Variants in PCBP3 observed in about 807,000 individuals in gnomAD.
PCBP3 encodes the protein poly(rC)-binding protein 3.
PCBP3 carries 25 observed loss-of-function variants against 52.7 expected under a neutral mutation model. That is an observed-to-expected ratio of 0.47 (90% CI 0.35 to 0.66). The LOEUF (loss-of-function observed/expected upper bound fraction) is 0.66. PCBP3 is among the 30% of genes least tolerant of loss of function. The pLI is 0.01. For missense variants in PCBP3, 391 were observed against 490.3 expected (o/e 0.80, Z 1.91); for synonymous variants, 162 against 183.0 (o/e 0.89, Z 0.93).
At chr21:45,823,447 G>A (rs1330174017) in intron 4 of PCBP3, among the ~76,000 whole-genome samples, 1 of 152,190 alleles carries the variant, frequency 6.6e-6, no homozygotes, top group Non-Finnish European at 1.5e-5. Context: ...TAACCCCCTT[G>A]ACCTCCCACC....
intron 9 of PCBP3, among the ~76,000 whole-genome samples, chr21:45,907,610 T>G (rs2096242460): frequency 6.6e-6 from 1 of 152,240 alleles, no homozygotes; most frequent in Admixed American, 6.5e-5. Context: ...TTCAGGTAAC[T>G]CTGGGTCATG....
chr21:45,780,934 G>A (rs544351057), intron 4 of PCBP3, among the ~76,000 whole-genome samples: 1 of 152,206 alleles, frequency 6.6e-6, no homozygotes, highest in Non-Finnish European at 1.5e-5. Flanking sequence ...CACACTGACT[G>A]AGAAGGTGTC....
chr21:45,664,864 G>A (rs1032336133), intron 1 of PCBP3, among the ~76,000 whole-genome samples: 5 of 149,222 alleles, frequency 3.4e-5, no homozygotes, highest in South Asian at 2.1e-4. Context: ...GAGAATATGC[G>A]GTGTTTGGTT....
chr21:45,756,655 C>T (rs1480601735), intron 4 of PCBP3, among the ~76,000 whole-genome samples: 4 of 152,162 alleles, frequency 2.6e-5, no homozygotes, highest in African/African-American at 4.8e-5. Flanking sequence ...TATCACCACC[C>T]GTAAAACAAC....
intron 5 of PCBP3, among the ~76,000 whole-genome samples, chr21:45,889,273 G>A (rs960391292): frequency 3.9e-5 from 6 of 152,202 alleles, no homozygotes; most frequent in African/African-American, 1.4e-4. Context: ...GCAGCTGCAT[G>A]CGGGCCAGCA....
intron 4 of PCBP3, among the ~76,000 whole-genome samples, chr21:45,833,014 G>A (rs973857016): frequency 2.0e-5 from 3 of 152,132 alleles, no homozygotes; most frequent in South Asian, 2.1e-4. Context: ...CCCTCAACAC[G>A]TGGGGATTGT....
In PCBP3 at chr21:45,821,463, T is replaced by C. The variant is rs1308385529; in HGVS notation, c.-125-28498T>C. On this transcript the variant is annotated intron_variant, in intron 4 of 17. Coordinates refer to ENST00000681687, the MANE Select transcript of PCBP3 (RefSeq NM_001384156.1). This position sits in a 1 kb window ranked among gnomAD's most constrained non-coding sequence, Gnocchi z 4.4. ...GGGCCCCGCACCTTCCCCCAACTCT[T>C]TTCTAGAACACTCTTCCCCCTGCAC... Among the ~76,000 whole-genome samples the C allele has an allele frequency of 7.1e-6, 1 of 141,506 alleles. No homozygotes were observed. The highest frequency in any genetic ancestry group is 1.5e-5 in the Non-Finnish European group (1 of 66,004). 92.8% of individuals were successfully genotyped at this position (141,506 alleles called of 152,430 possible). A position where few individuals can be genotyped will look rare whatever the true frequency, so the allele number is the denominator to read the frequency against.
chr21:45,860,874 C>T (rs999055938), intron 5 of PCBP3, among the ~76,000 whole-genome samples: 2 of 152,190 alleles, frequency 1.3e-5, no homozygotes, highest in African/African-American at 4.8e-5. Flanking sequence ...CAGCGACCCC[C>T]GTGGAGGTGC....
At chr21:45,910,830 CGA>C in intron 10 of PCBP3, 70 bp from the exon 11 acceptor site, 1 of 1,478,066 alleles carries the variant, frequency 6.8e-7, no homozygotes, top group Non-Finnish European at 9.1e-7. Context: ...CCTTGGGTGC[CGA>C]GACTCGGGAG....
chr21:45,847,588 G>A (rs2093843099), intron 4 of PCBP3, among the ~76,000 whole-genome samples: 2 of 152,170 alleles, frequency 1.3e-5, no homozygotes, highest in African/African-American at 2.4e-5. Context: ...GGACAGTTTG[G>A]CTGACATAAA....
chr21:45,784,598 T>C (rs913597248), intron 4 of PCBP3, among the ~76,000 whole-genome samples: 5 of 152,190 alleles, frequency 3.3e-5, no homozygotes, highest in African/African-American at 1.2e-4. Flanking sequence ...GTGCCTGCAA[T>C]TGCAGGCGCG....
At chr21:45,666,049 A>G (rs1182121236) in intron 1 of PCBP3, among the ~76,000 whole-genome samples, 2 of 152,214 alleles carry the variant, frequency 1.3e-5, no homozygotes, top group Non-Finnish European at 2.9e-5. Flanking sequence ...GATGCAGAAA[A>G]AGCATTTAAT....
intron 4 of PCBP3, among the ~76,000 whole-genome samples, chr21:45,786,803 ACT>A (rs1441457410): frequency 1.3e-5 from 2 of 152,222 alleles, no homozygotes; most frequent in Non-Finnish European, 2.9e-5. Flanking sequence ...TGGCACCATG[ACT>A]GCTCCTAGGA....
intron 9 of PCBP3, among the ~76,000 whole-genome samples, chr21:45,908,737 C>T (rs1450617761): frequency 6.6e-6 from 1 of 152,202 alleles, no homozygotes; most frequent in Non-Finnish European, 1.5e-5. Context: ...CCCTGTCCCC[C>T]ACGGGTTGCC....
In PCBP3 at chr21:45,898,575, C is replaced by G. The variant is rs192629804; in HGVS notation, c.166-1024C>G. Among the ~76,000 whole-genome samples the G allele has an allele frequency of 1.8e-4, 19 of 105,944 alleles. 4 individuals are homozygous for G. The highest frequency in any genetic ancestry group is 1.0e-3 in the East Asian group (2 of 1,918). The allele number at this position is 105,944 out of a possible 152,430, so 69.5% of individuals were successfully genotyped here. On this transcript the variant is annotated intron_variant, in intron 6 of 17. Coordinates refer to ENST00000681687, the MANE Select transcript of PCBP3 (RefSeq NM_001384156.1). ...CCAGCCTCCCTCTACACGCCATCCT[C>G]ACAGCCTCCCTCTCCCTCCACGGGC...
intron 13 of PCBP3, among the ~76,000 whole-genome samples, chr21:45,926,226 T>C (rs2075385378): frequency 6.6e-6 from 1 of 152,178 alleles, no homozygotes; most frequent in African/African-American, 2.4e-5. Context: ...GACCTGAGGT[T>C]GCAGTGCAGC....
In PCBP3 at chr21:45,785,742, T is replaced by C. The variant is rs1384264262; in HGVS notation, c.-126+30290T>C. ...AGAAATCGGATGGTTGCCGTGTCTGTGTAGAAAGAGGTAGACATGGGAGAC... is the reference window on the plus strand; with the variant it reads ...AGAAATCGGATGGTTGCCGTGTCTGCGTAGAAAGAGGTAGACATGGGAGAC... On this transcript the variant is annotated intron_variant, in intron 4 of 17. Transcript: ENST00000681687. Among the ~76,000 whole-genome samples, 4 of 151,978 alleles carry C rather than the reference T, an allele frequency of 2.6e-5. No homozygotes were observed. In the South Asian group the frequency reaches 6.2e-4, roughly 24 times the overall value.
At chr21:45,662,973 C>T (rs563859786) in intron 1 of PCBP3, among the ~76,000 whole-genome samples, 1 of 152,166 alleles carries the variant, frequency 6.6e-6, no homozygotes, top group Non-Finnish European at 1.5e-5. Flanking sequence ...GGCCTGACAT[C>T]AGTCAGGCCT....
chr21:45,702,009 C>G (rs1208220863), intron 2 of PCBP3, among the ~76,000 whole-genome samples: 1 of 152,162 alleles, frequency 6.6e-6, no homozygotes, highest in Non-Finnish European at 1.5e-5. Context: ...ATACATTGTT[C>G]TGATTGAATT....
Sources: gnomAD v4.1 joint callset for allele counts (sites outside exome capture counted in the v4.1 genomes callset) on GRCh38, gnomAD v4.1.1 for gene constraint, Gnocchi (gnomAD v3.1) non-coding constraint, MANE v1.5 for transcripts, NCBI Gene and HGNC (gene_info 2026-07-23, HGNC 2026-07-21) for gene names.